MAML3: variants seen among roughly 807,000 people sequenced by gnomAD.
The protein encoded by MAML3 is mastermind like transcriptional coactivator 3, also known as mastermind-like protein 3.
MAML3 carries 27 observed loss-of-function variants against 101.9 expected under a neutral mutation model. The ratio of observed to expected loss-of-function variants is 0.27; its 90% CI spans 0.20 to 0.37. The LOEUF is 0.37. Among genes scored for constraint, MAML3 ranks in the 10% least tolerant of loss-of-function variants. The pLI is 1.00. For missense variants in MAML3, 1,316 were observed against 1,444.9 expected (o/e 0.91, Z 1.45); for synonymous variants, 501 against 555.9 (o/e 0.90, Z 1.39).
chr4:140,117,932 A>G (rs1442417461), intron 1 of MAML3, among the ~76,000 whole-genome samples: 1 of 152,142 alleles, frequency 6.6e-6, no homozygotes, highest in Admixed American at 6.5e-5. Flanking sequence ...TTTGTGTTAC[A>G]CATTTTTAAG....
intron 2 of MAML3, among the ~76,000 whole-genome samples, chr4:139,806,099 T>C (rs779163378): frequency 6.6e-6 from 1 of 152,186 alleles, no homozygotes; most frequent in Non-Finnish European, 1.5e-5. Flanking sequence ...GATTTTGGTA[T>C]AAAGTCTTTC....
chr4:140,049,220 T>C (rs952418062), intron 1 of MAML3, among the ~76,000 whole-genome samples: 3 of 152,180 alleles, frequency 2.0e-5, no homozygotes, highest in Non-Finnish European at 4.4e-5. Flanking sequence ...CCCCATTCTT[T>C]CTTCCCTCTT....
At chr4:139,862,304 A>T (rs1731798527) in intron 2 of MAML3, among the ~76,000 whole-genome samples, 1 of 152,140 alleles carries the variant, frequency 6.6e-6, no homozygotes, top group Non-Finnish European at 1.5e-5. Flanking sequence ...GTATTTTGAC[A>T]TTTTTTTAAA....
intron 2 of MAML3, among the ~76,000 whole-genome samples, chr4:139,840,074 T>C (rs936189887): frequency 6.6e-6 from 1 of 152,212 alleles, no homozygotes; most frequent in African/African-American, 2.4e-5. Context: ...ACCATCTCTG[T>C]CTTCCTGTGC....
chr4:140,005,564 T>C (rs907579565), intron 1 of MAML3, among the ~76,000 whole-genome samples: 1 of 152,120 alleles, frequency 6.6e-6, no homozygotes, highest in Non-Finnish European at 1.5e-5. Context: ...TTCAATACCA[T>C]CAGACAACAA....
At chr4:139,801,013 G>A (rs1353960914) in intron 2 of MAML3, among the ~76,000 whole-genome samples, 3 of 152,240 alleles carry the variant, frequency 2.0e-5, no homozygotes, top group Non-Finnish European at 4.4e-5. Flanking sequence ...CCTGGTGCAT[G>A]TTGGGCTTCA....
intron 2 of MAML3, among the ~76,000 whole-genome samples, chr4:139,801,312 GT>G (rs1730600195): frequency 6.6e-6 from 1 of 152,162 alleles, no homozygotes; most frequent in South Asian, 2.1e-4. Context: ...AGAATTATTT[GT>G]TTTTCATCTG....
chr4:139,877,330 A>G (rs1309255842), intron 2 of MAML3, among the ~76,000 whole-genome samples: 1 of 152,098 alleles, frequency 6.6e-6, no homozygotes, highest in Non-Finnish European at 1.5e-5. Flanking sequence ...ATAGGAAAGC[A>G]GCATTTCCCC....
chr4:140,123,402 A>G (rs1007886388), intron 1 of MAML3, among the ~76,000 whole-genome samples: 10 of 152,224 alleles, frequency 6.6e-5, no homozygotes, highest in Non-Finnish European at 2.9e-5. Context: ...ACTGAATAGT[A>G]TAATTGTGAG....
intron 2 of MAML3, among the ~76,000 whole-genome samples, chr4:139,861,503 G>GTGTGTGTT (rs1219651299): frequency 6.6e-6 from 1 of 151,998 alleles, no homozygotes; most frequent in Non-Finnish European, 1.5e-5. Flanking sequence ...GTGTGTGTGT[G>GTGTGTGTT]TGTGTGTAGT....
intron 2 of MAML3, among the ~76,000 whole-genome samples, chr4:139,873,403 A>T (rs527307228): frequency 2.0e-5 from 3 of 152,346 alleles, no homozygotes; most frequent in Admixed American, 2.0e-4. Flanking sequence ...ATGTTATAAA[A>T]TGCCAAAGCC....
intron 2 of MAML3, among the ~76,000 whole-genome samples, chr4:139,768,471 T>A (rs530776824): frequency 8.1e-4 from 123 of 152,342 alleles, no homozygotes; most frequent in Non-Finnish European, 1.5e-3. Context: ...TTCCCAAGTC[T>A]TAGTATTTAC....
At chr4:140,102,287 G>A (rs34074966) in intron 1 of MAML3, among the ~76,000 whole-genome samples, 27,586 of 152,110 alleles carry the variant, frequency 0.18, 3,018 homozygotes, top group Middle Eastern at 0.35. Context: ...ATCCTAGAGA[G>A]ACTTCATTTT....
intron 2 of MAML3, among the ~76,000 whole-genome samples, chr4:139,857,631 G>A (rs894829967): frequency 6.6e-6 from 1 of 152,146 alleles, no homozygotes; most frequent in Non-Finnish European, 1.5e-5. Context: ...TCCTCCTGAG[G>A]AGGTTGTTAC....
At chr4:139,764,659 C>A (rs1419160902) in intron 2 of MAML3, among the ~76,000 whole-genome samples, 1 of 152,166 alleles carries the variant, frequency 6.6e-6, no homozygotes, top group Non-Finnish European at 1.5e-5. Flanking sequence ...GATGTGGTTG[C>A]TGTTGTTATT....
intron 1 of MAML3, among the ~76,000 whole-genome samples, chr4:140,030,397 CT>C (rs1177135650): frequency 6.6e-6 from 1 of 152,220 alleles, no homozygotes; most frequent in Non-Finnish European, 1.5e-5. Flanking sequence ...AGGGGAAAGT[CT>C]TACCTGCCCA....
chr4:139,756,357 A>G, intron 2 of MAML3, among the ~76,000 whole-genome samples: 1 of 152,222 alleles, frequency 6.6e-6, no homozygotes, highest in Admixed American at 6.5e-5. Flanking sequence ...ATTATGCTCC[A>G]TCAAGACACA....
chr4:139,802,460 C>A (rs933347254), intron 2 of MAML3, among the ~76,000 whole-genome samples: 1 of 152,160 alleles, frequency 6.6e-6, no homozygotes, highest in Non-Finnish European at 1.5e-5. Context: ...CATCACCTTA[C>A]CTTTGGCTTA....
intron 1 of MAML3, among the ~76,000 whole-genome samples, chr4:140,069,045 T>C (rs1470401396): frequency 6.6e-6 from 1 of 152,148 alleles, no homozygotes; most frequent in Non-Finnish European, 1.5e-5. Context: ...AAAAGAACAA[T>C]GGAAATACCA....
Sources: allele counts gnomAD v4.1 joint callset (sites outside exome capture counted in the v4.1 genomes callset), GRCh38; gene constraint gnomAD v4.1.1; transcripts MANE v1.5; gene names NCBI Gene and HGNC (gene_info 2026-07-23, HGNC 2026-07-21).